Variants in MMP16 observed in about 807,000 individuals in gnomAD.
MMP16 encodes the protein matrix metalloproteinase-16.
In MMP16, 12 loss-of-function variants were observed where a neutral mutation model predicts 67.8. The observed-to-expected ratio is 0.18, with a 90% CI of 0.11 to 0.29. MMP16 has a LOEUF of 0.29. Among genes scored for constraint, MMP16 ranks in the 10% least tolerant of loss-of-function variants. The probability of loss-of-function intolerance (pLI) is 1.00; values close to 1 mark genes in which losing one functional copy is unlikely to be tolerated. For synonymous variants in MMP16, 249 were observed against 255.9 expected (o/e 0.97, Z 0.26); for missense variants, 475 against 765.7 (o/e 0.62, Z 4.48).
intron 4 of MMP16, among the ~76,000 whole-genome samples, chr8:88,139,679 A>G (rs926551594): frequency 6.6e-6 from 1 of 152,096 alleles, no homozygotes; most frequent in Non-Finnish European, 1.5e-5. Flanking sequence ...ATAGCCATTA[A>G]TTACTGAATA....
chr8:88,250,423 A>C (rs996359269), intron 1 of MMP16, among the ~76,000 whole-genome samples: 1 of 152,040 alleles, frequency 6.6e-6, no homozygotes, highest in African/African-American at 2.4e-5. Flanking sequence ...AAGGCCTGAA[A>C]ATTTTAAATG....
intron 2 of MMP16, among the ~76,000 whole-genome samples, chr8:88,189,881 TGTGA>T (rs1809139019): frequency 6.6e-6 from 1 of 152,176 alleles, no homozygotes; most frequent in Admixed American, 6.5e-5. Flanking sequence ...ACCACTGACC[TGTGA>T]GTGAGGGTAG....
At chr8:88,128,603 G>A (rs1807974619) in intron 4 of MMP16, among the ~76,000 whole-genome samples, 1 of 151,758 alleles carries the variant, frequency 6.6e-6, no homozygotes, top group Non-Finnish European at 1.5e-5. Flanking sequence ...TCTGGGATTT[G>A]GGAGCCATTC....
chr8:88,219,094 A>G (rs2129840185), intron 1 of MMP16, among the ~76,000 whole-genome samples: 1 of 152,120 alleles, frequency 6.6e-6, no homozygotes, highest in Non-Finnish European at 1.5e-5. Context: ...ACATATGATG[A>G]CTGAAAAAGG....
intron 8 of MMP16, among the ~76,000 whole-genome samples, chr8:88,050,598 A>G (rs1808257735): frequency 6.6e-6 from 1 of 152,252 alleles, no homozygotes; most frequent in Non-Finnish European, 1.5e-5. Flanking sequence ...CCATAGATTT[A>G]GTATGAATTG....
At chr8:88,230,535 C>CT (rs3060800) in intron 1 of MMP16, among the ~76,000 whole-genome samples, 4 of 142,510 alleles carry the variant, frequency 2.8e-5, no homozygotes, top group African/African-American at 7.7e-5. Flanking sequence ...GATCAATTTT[C>CT]TTTTTTTTTT....
chr8:88,281,850 C>T (rs1810742939), intron 1 of MMP16, among the ~76,000 whole-genome samples: 1 of 152,144 alleles, frequency 6.6e-6, no homozygotes, highest in Non-Finnish European at 1.5e-5. Flanking sequence ...CTGGAAATTT[C>T]TTTCTGACAG....
chr8:88,173,550 T>A (rs1586188706), intron 3 of MMP16, among the ~76,000 whole-genome samples: 1 of 152,158 alleles, frequency 6.6e-6, no homozygotes, highest in Non-Finnish European at 1.5e-5. Context: ...CATACTAATG[T>A]TTTATGTAAA....
At chr8:88,188,975 G>A (rs187226284) in intron 2 of MMP16, among the ~76,000 whole-genome samples, 1 of 152,112 alleles carries the variant, frequency 6.6e-6, no homozygotes, top group South Asian at 2.1e-4. Context: ...ATATTTTAGG[G>A]AGGAATATTA....
chr8:88,203,464 T>C (rs964141970), intron 1 of MMP16, among the ~76,000 whole-genome samples: 1 of 152,074 alleles, frequency 6.6e-6, no homozygotes, highest in Middle Eastern at 3.2e-3. Flanking sequence ...TAACTGTAGA[T>C]TAAACCTAAT....
At chr8:88,122,350 C>T (rs991843180) in intron 4 of MMP16, among the ~76,000 whole-genome samples, 1 of 151,936 alleles carries the variant, frequency 6.6e-6, no homozygotes, top group African/African-American at 2.4e-5. Context: ...GTCATCTCCT[C>T]CATGAAGCCT....
chr8:88,229,864 G>A (rs949967199), intron 1 of MMP16, among the ~76,000 whole-genome samples: 3 of 152,052 alleles, frequency 2.0e-5, no homozygotes, highest in Admixed American at 6.6e-5. Flanking sequence ...AGAATATTGA[G>A]ACACGGGATG....
At chr8:88,299,705 G>A (rs1811068258) in intron 1 of MMP16, among the ~76,000 whole-genome samples, 1 of 152,016 alleles carries the variant, frequency 6.6e-6, no homozygotes, top group Non-Finnish European at 1.5e-5. Flanking sequence ...AAGACTTGGG[G>A]AAAAAACATT....
chr8:88,246,662 C>T (rs994522934), intron 1 of MMP16, among the ~76,000 whole-genome samples: 2 of 152,116 alleles, frequency 1.3e-5, no homozygotes, highest in African/African-American at 2.4e-5. Flanking sequence ...TAGTCATGTA[C>T]TCCAGACATT....
At chr8:88,303,134 T>C (rs1394320444) in intron 1 of MMP16, among the ~76,000 whole-genome samples, 2 of 152,104 alleles carry the variant, frequency 1.3e-5, no homozygotes, top group Non-Finnish European at 2.9e-5. Flanking sequence ...TTGCATACTG[T>C]GGTCCTGGGA....
intron 4 of MMP16, among the ~76,000 whole-genome samples, chr8:88,154,788 A>C (rs1808479319): frequency 6.7e-6 from 1 of 149,836 alleles, no homozygotes; most frequent in Non-Finnish European, 1.5e-5. Flanking sequence ...TAGTGGGTGC[A>C]GCGCACCAGC....
intron 2 of MMP16, among the ~76,000 whole-genome samples, chr8:88,195,421 G>A (rs751205580): frequency 9.9e-5 from 15 of 152,112 alleles, no homozygotes; most frequent in Middle Eastern, 6.8e-3. Flanking sequence ...TATGAATTGC[G>A]TCATATTTTC....
chr8:88,205,816 C>T (rs1268135740), intron 1 of MMP16, among the ~76,000 whole-genome samples: 1 of 152,126 alleles, frequency 6.6e-6, no homozygotes, highest in East Asian at 1.9e-4. Flanking sequence ...GTAATTCTGA[C>T]CTCAGCCAAA....
intron 6 of MMP16, among the ~76,000 whole-genome samples, chr8:88,099,597 CTG>C (rs1809099830): frequency 6.6e-6 from 1 of 151,714 alleles, no homozygotes; most frequent in Admixed American, 6.6e-5. Context: ...AGTCCAATAA[CTG>C]AAATTCTCAT....
Sources: gnomAD v4.1 joint callset for allele counts (sites outside exome capture counted in the v4.1 genomes callset) on GRCh38, gnomAD v4.1.1 for gene constraint, MANE v1.5 for transcripts, NCBI Gene and HGNC (gene_info 2026-07-23, HGNC 2026-07-21) for gene names.